Variants in UGT1A10 observed in about 807,000 individuals in gnomAD.
UGT1A10 encodes UDP glucuronosyltransferase family 1 member A10.
Under a neutral mutation model 45.8 loss-of-function variants are expected in UGT1A10, and 49 were observed. The observed-to-expected ratio is 1.07, with a 90% CI of 0.85 to 1.36. The LOEUF (loss-of-function observed/expected upper bound fraction) is 1.36, where lower values mean the gene tolerates loss of function less well. UGT1A10 is among the 40% of genes most tolerant of loss of function. The pLI is 0.00. For missense variants in UGT1A10, 745 were observed against 668.6 expected, an observed-to-expected ratio of 1.11 and a Z score of -1.26; for synonymous variants, 284 against 249.7, an observed-to-expected ratio of 1.14 and a Z score of -1.29.
chr2:233,724,568 G>A (rs1015390355), intron 1 of UGT1A10, among the ~76,000 whole-genome samples: 3 of 128,090 alleles, frequency 2.3e-5, no homozygotes, highest in Admixed American at 7.6e-5. Context: ...ATGGGGCGGC[G>A]GGGCAGAGGC....
intron 1 of UGT1A10, among the ~76,000 whole-genome samples, chr2:233,675,595 C>A (rs1159705541): frequency 6.6e-6 from 1 of 152,110 alleles, no homozygotes; most frequent in Non-Finnish European, 1.5e-5. Context: ...GTGGACAAGA[C>A]TAAGGCCTCC....
chr2:233,649,100 G>T, intron 1 of UGT1A10: 1 of 805,528 alleles, frequency 1.2e-6, no homozygotes, highest in Admixed American at 3.0e-5. Context: ...TACGGAACTG[G>T]GATTTGACAT....
intron 1 of UGT1A10, among the ~76,000 whole-genome samples, chr2:233,674,706 A>T (rs2074293686): frequency 6.6e-6 from 1 of 152,220 alleles, no homozygotes; most frequent in Admixed American, 6.5e-5. Context: ...TGGATGTATG[A>T]AAGTTTTTAT....
intron 1 of UGT1A10, among the ~76,000 whole-genome samples, chr2:233,697,142 G>T (rs537763582): frequency 1.3e-5 from 2 of 152,092 alleles, no homozygotes; most frequent in East Asian, 3.9e-4. Flanking sequence ...GTAATAGTTT[G>T]AGTGGAACTG....
At chr2:233,651,100 A>G (rs2073728722) in intron 1 of UGT1A10, among the ~76,000 whole-genome samples, 1 of 152,228 alleles carries the variant, frequency 6.6e-6, no homozygotes, top group South Asian at 2.1e-4. Context: ...CATGGCTTTC[A>G]GCTCTTGGCA....
intron 1 of UGT1A10, chr2:233,690,896 T>G: frequency 1.9e-6 from 2 of 1,035,856 alleles, no homozygotes; most frequent in African/African-American, 1.7e-5. Context: ...AGGGATGGTA[T>G]GCATAGTGAT....
intron 1 of UGT1A10, chr2:233,729,211 G>A (rs1212388025): frequency 6.2e-7 from 1 of 1,613,958 alleles, no homozygotes; most frequent in African/African-American, 1.3e-5. Flanking sequence ...GGCTGAGAGT[G>A]GAAAGGTGTT....
chr2:233,651,294 G>A (rs543739402), intron 1 of UGT1A10, among the ~76,000 whole-genome samples: 20 of 152,080 alleles, frequency 1.3e-4, no homozygotes, highest in Non-Finnish European at 2.9e-4. Context: ...GGCTCACAGG[G>A]TCACCCAGAG....
At chr2:233,660,596 C>T (rs767259942) in intron 1 of UGT1A10, among the ~76,000 whole-genome samples, 13 of 152,156 alleles carry the variant, frequency 8.5e-5, no homozygotes, top group Non-Finnish European at 1.3e-4. Context: ...CCCTTAAAGG[C>T]TCAAGGATTA....
intron 1 of UGT1A10, among the ~76,000 whole-genome samples, chr2:233,687,294 AG>A (rs1476056619): frequency 6.6e-6 from 1 of 152,206 alleles, no homozygotes; most frequent in African/African-American, 2.4e-5. Context: ...CAACATGGTG[AG>A]ATATCAATGT....
At chr2:233,697,307 A>T (rs116017850) in intron 1 of UGT1A10, among the ~76,000 whole-genome samples, 1,596 of 152,184 alleles carry the variant, frequency 0.01, 34 homozygotes, top group African/African-American at 0.036. Flanking sequence ...CAATCTTGGT[A>T]GATTGTTTGT....
At chr2:233,695,133 T>TC (rs71058573) in intron 1 of UGT1A10, among the ~76,000 whole-genome samples, 10 of 145,970 alleles carry the variant, frequency 6.9e-5, no homozygotes, top group African/African-American at 1.5e-4. Flanking sequence ...TTCTTTTCTT[T>TC]TTTTTTTTTT....
In UGT1A10 at chr2:233,769,574, T is replaced by C. The variant is rs1345352154; in HGVS notation, c.1295+1135T>C. 4 of 1,612,752 alleles carry C rather than the reference T, an allele frequency of 2.5e-6. No individual in the cohort carries two copies. The highest frequency in any genetic ancestry group is 3.3e-5 in the Admixed American group (2 of 59,992). On this transcript the variant is annotated intron_variant, in intron 4 of 4. Transcript: ENST00000344644. The surrounding 1 kb of genome is among the most constrained non-coding windows in gnomAD (Gnocchi z 4.4). ...AAGACAGATGTGAAGAGCTGGAGCA[T>C]GTTCAGATGAGAGGAGACGGAACAC... is the stretch of plus-strand genomic sequence containing the variant.
intron 1 of UGT1A10, among the ~76,000 whole-genome samples, chr2:233,683,670 A>G (rs181251858): frequency 6.6e-6 from 1 of 152,222 alleles, no homozygotes; most frequent in East Asian, 1.9e-4. Context: ...CATCTTTCTT[A>G]TTAACCTTTA....
In UGT1A10 at chr2:233,684,583, G is replaced by A. The variant is rs539348437; in HGVS notation, c.855+47206G>A. ...AGATCTATAAAATATGAAACATTGA[G>A]CCATATATAGTTTTACATATTTTGG... is the stretch of plus-strand genomic sequence containing the variant. On this transcript the variant is annotated intron_variant, in intron 1 of 4. Transcript: ENST00000344644. Among the ~76,000 whole-genome samples the A allele has an allele frequency of 7.1e-4, 108 of 152,230 alleles. 1 individual carries two copies. Among genetic ancestry groups the A allele is most frequent in the African/African-American group, 2.3e-3 (97 of 41,552 alleles).
chr2:233,649,086 T>G lies in UGT1A10; in HGVS notation c.855+11709T>G, dbSNP rs577707805. 1.8e-5 allele frequency: 16 copies of G among 884,588 alleles called. No homozygotes were observed. The South Asian group carries it at 4.5e-4, about 25-fold the overall frequency. The allele number at this position is 884,588 out of a possible 1,614,324, so 54.8% of individuals were successfully genotyped here. A position where few individuals can be genotyped will look rare whatever the true frequency, so the allele number is the denominator to read the frequency against. ...TCTGGATTTGAATATTTAAAAAGAT[T>G]CCTTACGGAACTGGGATTTGACATT... On this transcript the variant is annotated intron_variant, in intron 1 of 4. Transcript: ENST00000344644.
chr2:233,742,812 T>C (rs992545321), intron 1 of UGT1A10: 2 of 153,630 alleles, frequency 1.3e-5, no homozygotes, highest in African/African-American at 4.9e-5. Context: ...AGTATTGATA[T>C]TATTTGTAGA....
At chr2:233,756,909 C>T (rs1190068817) in intron 1 of UGT1A10, among the ~76,000 whole-genome samples, 1 of 152,062 alleles carries the variant, frequency 6.6e-6, no homozygotes, top group East Asian at 1.9e-4. Context: ...GAACAAACTT[C>T]TGAGTTTATA....
intron 1 of UGT1A10, chr2:233,693,643 T>C: frequency 6.2e-7 from 1 of 1,614,190 alleles, no homozygotes; most frequent in Non-Finnish European, 8.5e-7. Context: ...CCAACTTCCT[T>C]GTTAATTTGT....
Sources: gnomAD v4.1 joint callset for allele counts (sites outside exome capture counted in the v4.1 genomes callset) on GRCh38, gnomAD v4.1.1 for gene constraint, Gnocchi (gnomAD v3.1) non-coding constraint, MANE v1.5 for transcripts, NCBI Gene and HGNC (gene_info 2026-07-23, HGNC 2026-07-21) for gene names.